The following ACOX3 variants were observed in gnomAD, a reference collection of about 807,000 sequenced individuals.
ACOX3 encodes peroxisomal acyl-coenzyme A oxidase 3.
ACOX3 carries 73 observed loss-of-function variants against 81.5 expected under a neutral mutation model. That is an observed-to-expected ratio of 0.90 (90% CI 0.74 to 1.09). The LOEUF (loss-of-function observed/expected upper bound fraction) is 1.09. Among genes scored for constraint, ACOX3 ranks in the 50% least tolerant of loss-of-function variants. ACOX3 has a pLI of 0.00. For missense variants in ACOX3, 947 were observed against 928.0 expected (o/e 1.02, Z -0.27); for synonymous variants, 387 against 375.1 (o/e 1.03, Z -0.37).
chr4:8,409,809 GTGCACTGTGGGCAGGACTGTC>G (rs1447098652), intron 6 of ACOX3, among the ~76,000 whole-genome samples: 10 of 147,940 alleles, frequency 6.8e-5, no homozygotes, highest in African/African-American at 2.5e-4. Flanking sequence ...GGAGCTGTCT[GTGCACTGTGGGCAGGACTGTC>G]TGCACTGTGG....
downstream of ACOX3, among the ~76,000 whole-genome samples, chr4:8,361,425 C>CCAAAAAAAAAAAA (rs1560158854): frequency 2.6e-5 from 1 of 39,034 alleles, no homozygotes; most frequent in African/African-American, 1.2e-4. Context: ...GACTCTATCT[C>CCAAAAAAAAAAAA]AAAAAAAAAA....
rs907975287 is a variant in ACOX3 at position 8,385,153 on chromosome 4, CG to C, written c.1538-3547del. Among the ~76,000 whole-genome samples the C allele has an allele frequency of 1.3e-5, 2 of 152,128 alleles. No homozygotes were observed. Among genetic ancestry groups the C allele is most frequent in the Non-Finnish European group, 2.9e-5 (2 of 68,020 alleles). On this transcript the variant is annotated intron_variant, in intron 13 of 17. Coordinates refer to ENST00000356406, the MANE Select transcript of ACOX3 (RefSeq NM_003501.3). The surrounding 1 kb of genome is among the most constrained non-coding windows in gnomAD (Gnocchi z 5.5). ...ATTAAAGCCTAGCTCAAGGTCACAG[CG>C]GGGGGCAGTGCTGACCCAATAGCCT...
intron 1 of ACOX3, among the ~76,000 whole-genome samples, chr4:8,422,082 T>G (rs1723010174): frequency 1.3e-5 from 2 of 152,096 alleles, no homozygotes; most frequent in South Asian, 2.1e-4. Flanking sequence ...CGAGCGAACA[T>G]TCTTCCGCTG....
chr4:8,436,132 T>C (rs911714936), intron 1 of ACOX3: 1 of 152,158 alleles, frequency 6.6e-6, no homozygotes, highest in African/African-American at 2.4e-5. Context: ...TCTACTAAAC[T>C]GGAAACACCC....
At chr4:8,395,033 A>C (rs1021047475) in intron 9 of ACOX3, 3 of 287,462 alleles carry the variant, frequency 1.0e-5, no homozygotes, top group Admixed American at 4.8e-5. Context: ...ACAAAGTGCC[A>C]GTCTATCTGT....
At chr4:8,373,652 T>C (rs758873194) in intron 15 of ACOX3, 24 bp from the exon 16 acceptor site, 10 of 1,603,482 alleles carry the variant, frequency 6.2e-6, no homozygotes, top group Non-Finnish European at 6.0e-6. Flanking sequence ...CTCGGTCACA[T>C]GGGGGCTGGG....
Position 8,392,341 on chromosome 4 carries a change from T to C in ACOX3, c.1292A>G (p.Tyr431Cys), listed in dbSNP as rs760192603. 1 of 1,582,754 alleles carries C rather than the reference T, an allele frequency of 6.3e-7. No homozygotes were observed. Among genetic ancestry groups the C allele is most frequent in the South Asian group, 1.2e-5 (1 of 86,590 alleles). Reference sequence around the variant, plus strand: ...GCTTCTCCAAAACCTACTGGCCAGATAGCCGTGTCCTCCACACGCCTCCCG... The same window carrying C: ...GCTTCTCCAAAACCTACTGGCCAGACAGCCGTGTCCTCCACACGCCTCCCG... ...ECREACGGHG[Y>C]LAMNRLGVLR... is the part of the protein sequence containing the mutation. Residue 431 changes from tyrosine (Y) to cysteine (C), a missense_variant, in exon 11 of 18, where the codon TAT (tyrosine) becomes TGT (cysteine). By Grantham distance (194) the Tyr-to-Cys change is radical (BLOSUM62 -2). Coordinates refer to ENST00000356406, the MANE Select transcript of ACOX3 (RefSeq NM_003501.3).
At chr4:8,403,437 C>G (rs757767179) in intron 7 of ACOX3, among the ~76,000 whole-genome samples, 1 of 152,162 alleles carries the variant, frequency 6.6e-6, no homozygotes, top group East Asian at 1.9e-4. Flanking sequence ...TGCATCACCC[C>G]GGCTGGCTCC....
At chr4:8,380,801 G>C (rs1303596233) in intron 14 of ACOX3, among the ~76,000 whole-genome samples, 2 of 152,168 alleles carry the variant, frequency 1.3e-5, no homozygotes, top group Non-Finnish European at 2.9e-5. Context: ...CCACAGCTAT[G>C]GTTAGGGCTG....
chr4:8,381,782 G>C lies in ACOX3; in HGVS notation c.1538-175C>G, dbSNP rs1237127280. Among the ~76,000 whole-genome samples, 1 of 152,222 alleles carries C rather than the reference G, an allele frequency of 6.6e-6. No individual in the cohort carries two copies. The highest frequency in any genetic ancestry group is 1.9e-4 in the East Asian group (1 of 5,188). On this transcript the variant is annotated intron_variant, in intron 13 of 17. Transcript: ENST00000356406. The surrounding 1 kb of genome is among the most constrained non-coding windows in gnomAD (Gnocchi z 4.3). ...ATAGGTAGGGAAACTGAAGCACAGG[G>C]AGGGCACCTGCCCAGGGCCCCCCTG...
chr4:8,358,662 C>T, the ACOX3 span, among the ~76,000 whole-genome samples: 1 of 152,136 alleles, frequency 6.6e-6, no homozygotes, highest in South Asian at 2.1e-4. Flanking sequence ...CCACCAAAAC[C>T]AAGATGGCCA....
At chr4:8,427,535 G>T (rs1018022781) in intron 1 of ACOX3, among the ~76,000 whole-genome samples, 1 of 152,220 alleles carries the variant, frequency 6.6e-6, no homozygotes. Flanking sequence ...ACTCGCCATT[G>T]TTCCCGCACA....
At chr4:8,436,075 G>A (rs185705678) in intron 1 of ACOX3, 1 of 152,170 alleles carries the variant, frequency 6.6e-6, no homozygotes, top group Non-Finnish European at 1.5e-5. Context: ...CCACATCCAG[G>A]GGGTGGGGCA....
At chr4:8,426,506 C>A (rs1264427287) in intron 1 of ACOX3, among the ~76,000 whole-genome samples, 1 of 138,918 alleles carries the variant, frequency 7.2e-6, no homozygotes, top group Non-Finnish European at 1.6e-5. Context: ...CCATGGCCCC[C>A]CCCGTCATAT....
the ACOX3 span, chr4:8,356,544 C>T: frequency 0.015 from 6,757 of 456,104 alleles, 84 homozygotes; most frequent in Middle Eastern, 0.036. Context: ...CAGAGTATGA[C>T]CCATTTCTGA....
At position 8,384,581 on chromosome 4, in the gene ACOX3, GC is replaced by G; in HGVS notation, c.1538-2975del. Among the ~76,000 whole-genome samples the G allele has an allele frequency of 6.6e-6, 1 of 152,114 alleles. No homozygotes were observed. The highest frequency in any genetic ancestry group is 1.9e-4 in the East Asian group (1 of 5,190). ...TCACACCAGAAGGACTCTCGAAGGTGCCCCCAGCCGCCCTGTGCACCCAATG... is the reference window on the plus strand; with the variant it reads ...TCACACCAGAAGGACTCTCGAAGGTGCCCCAGCCGCCCTGTGCACCCAATG... On this transcript the variant is annotated intron_variant, in intron 13 of 17. Transcript: ENST00000356406. The surrounding 1 kb of genome is among the most constrained non-coding windows in gnomAD (Gnocchi z 5.3).
rs1560209976 is a variant in ACOX3 at position 8,432,248 on chromosome 4, T to G, written c.-15+8400A>C. On this transcript the variant is annotated intron_variant, in intron 1 of 17. Coordinates refer to ENST00000356406, the MANE Select transcript of ACOX3 (RefSeq NM_003501.3). The surrounding 1 kb of genome is among the most constrained non-coding windows in gnomAD (Gnocchi z 6.2). ...CTGGCTTGAGCCAATGAATTTTTTT[T>G]TTCGAGATGGAGTCTCGCTCTGTTG... Among the ~76,000 whole-genome samples, 1 of 152,230 alleles carries G rather than the reference T, an allele frequency of 6.6e-6. No homozygotes were observed. Among genetic ancestry groups the G allele is most frequent in the Non-Finnish European group, 1.5e-5 (1 of 68,038 alleles).
chr4:8,395,849 C>G (rs9997393), intron 9 of ACOX3, among the ~76,000 whole-genome samples: 3,077 of 152,360 alleles, frequency 0.02, 110 homozygotes, highest in African/African-American at 0.07. Context: ...AACTGCAATT[C>G]TGTTACAATT....
chr4:8,374,949 G>A, intron 15 of ACOX3, 29 bp downstream of exon 15: 1 of 1,476,052 alleles, frequency 6.8e-7, no homozygotes, highest in Non-Finnish European at 9.0e-7. Flanking sequence ...CTCTGGGGAG[G>A]ACAGCAAGCC....
Sources: allele counts gnomAD v4.1 joint callset (sites outside exome capture counted in the v4.1 genomes callset), GRCh38; gene constraint gnomAD v4.1.1; non-coding constraint Gnocchi (gnomAD v3.1); transcripts MANE v1.5; gene names NCBI Gene and HGNC (gene_info 2026-07-23, HGNC 2026-07-21).